GARRE1: variants seen among roughly 807,000 people sequenced by gnomAD.
GARRE1 encodes the protein granule associated Rac and RHOG effector protein 1.
In GARRE1, 49 loss-of-function variants were observed where a neutral mutation model predicts 103.2. The observed-to-expected ratio is 0.47, with a 90% CI of 0.38 to 0.60. The LOEUF (loss-of-function observed/expected upper bound fraction) is 0.60. Ranked by LOEUF, GARRE1 falls within the 20% of genes least tolerant of loss-of-function variation. The probability of loss-of-function intolerance (pLI) is 0.00; values close to 1 mark genes in which losing one functional copy is unlikely to be tolerated. For synonymous variants in GARRE1, 505 were observed against 532.8 expected (o/e 0.95, Z 0.72); for missense variants, 1,199 against 1,370.5 (o/e 0.87, Z 1.98).
At chr19:34,315,710 CAAAAAAAA>C (rs35321775) in intron 2 of GARRE1, among the ~76,000 whole-genome samples, 9 of 62,554 alleles carry the variant, frequency 1.4e-4, no homozygotes, top group Non-Finnish European at 2.0e-4. Context: ...GACTCTGTCT[CAAAAAAAA>C]AAAAAAAAAA....
Position 34,341,675 on chromosome 19 carries a change from C to T in GARRE1, c.1741C>T (p.Pro581Ser). Residue 581 changes from proline to serine, a missense_variant, in exon 10 of 14, where the codon CCT (proline) becomes TCT (serine). Transcript: ENST00000299505. ...AGCSEEKAKM[P>S]GNIDTRLQSI... Reference sequence around the variant, plus strand: ...ATGTTCCGAAGAGAAGGCCAAAATGCCTGGCAATATTGATACAAGGTTACA... The same window carrying T: ...ATGTTCCGAAGAGAAGGCCAAAATGTCTGGCAATATTGATACAAGGTTACA... 1 of 1,614,160 alleles carries T rather than the reference C, an allele frequency of 6.2e-7. No individual in the cohort carries two copies. The highest frequency in any genetic ancestry group is 2.2e-5 in the East Asian group (1 of 44,886).
At chr19:34,255,579 T>C (rs1428861691) in intron 1 of GARRE1, among the ~76,000 whole-genome samples, 1 of 152,190 alleles carries the variant, frequency 6.6e-6, no homozygotes. Context: ...TTATGGACTT[T>C]ACAGTATGTG....
At chr19:34,344,882 A>G (rs1189364250) in intron 10 of GARRE1, among the ~76,000 whole-genome samples, 1 of 148,684 alleles carries the variant, frequency 6.7e-6, no homozygotes, top group Non-Finnish European at 1.5e-5. Context: ...TACCGCCCCG[A>G]GGCTGGAGTG....
At chr19:34,281,123 T>C (rs2073850329) in intron 1 of GARRE1, among the ~76,000 whole-genome samples, 2 of 152,206 alleles carry the variant, frequency 1.3e-5, no homozygotes, top group Non-Finnish European at 2.9e-5. Flanking sequence ...CACGATTTTA[T>C]TGATTGACCG....
At position 34,310,805 on chromosome 19, in the gene GARRE1, C is replaced by T. The variant is rs1000441502; in HGVS notation, c.496-9102C>T. Among the ~76,000 whole-genome samples the T allele has an allele frequency of 3.3e-5, 5 of 152,186 alleles. 1 individual carries two copies. In the South Asian group the frequency reaches 1.0e-3, roughly 32 times the overall value. ...AAACTTTCAACTGCTCCTCTCCCCG[C>T]ACCCAGCTCACTGTGCCAGGGCCAG... On this transcript the variant is annotated intron_variant, in intron 2 of 13. Transcript: ENST00000299505.
intron 9 of GARRE1, among the ~76,000 whole-genome samples, chr19:34,340,925 G>A (rs2074182737): frequency 6.6e-6 from 1 of 152,118 alleles, no homozygotes; most frequent in African/African-American, 2.4e-5. Context: ...ATGCCCTTTC[G>A]CTCTTTAGGG....
At chr19:34,348,093 C>T (rs328406) in intron 11 of GARRE1, 51 bp downstream of exon 11, 322,278 of 1,363,960 alleles carry the variant, frequency 0.24, 41,916 homozygotes, top group East Asian at 0.66. Context: ...AGGTGTCCCC[C>T]GAGGGGCCTG....
chr19:34,331,031 C>G (rs1206413340), intron 7 of GARRE1, among the ~76,000 whole-genome samples: 3 of 151,642 alleles, frequency 2.0e-5, no homozygotes, highest in Non-Finnish European at 2.9e-5. Context: ...TCCCGAGTAG[C>G]TGGGACTACA....
chr19:34,289,432 A>G (rs2073904843), intron 1 of GARRE1, among the ~76,000 whole-genome samples: 1 of 150,884 alleles, frequency 6.6e-6, no homozygotes. Context: ...ACAGAGCAAG[A>G]TTCCATCTCC....
chr19:34,256,517 C>T (rs976398545), intron 1 of GARRE1, among the ~76,000 whole-genome samples: 1 of 142,146 alleles, frequency 7.0e-6, no homozygotes, highest in African/African-American at 2.8e-5. Flanking sequence ...GAGACTCCAT[C>T]TCAAAAAAAA....
rs774240213 is a variant in GARRE1 at position 34,300,887 on chromosome 19, G to A, written c.414G>A (p.Glu138=). The A allele has an allele frequency of 1.2e-6, 2 of 1,611,464 alleles. No individual in the cohort carries two copies. Among genetic ancestry groups the A allele is most frequent in the Non-Finnish European group, 1.7e-6 (2 of 1,180,022 alleles). Residue 138 remains glutamate, a synonymous_variant, in exon 2 of 14, where the codon GAG becomes GAA. Transcript: ENST00000299505. ...GGCTGACCTCGGCCATAAAGCCTGA[G>A]ATCGCCAAGATGCTAATGGAACTTA... is the stretch of plus-strand genomic sequence containing the variant. ...ASRLTSAIKP[E]IAKMLMELSA...
intron 2 of GARRE1, among the ~76,000 whole-genome samples, chr19:34,312,961 A>C (rs71351761): frequency 6.6e-6 from 1 of 152,132 alleles, no homozygotes. Flanking sequence ...AAATAAATAA[A>C]GGCTGATAAA....
chr19:34,350,714 TGGGACTACAGGCGC>T (rs2074232155), intron 12 of GARRE1, among the ~76,000 whole-genome samples: 2 of 152,106 alleles, frequency 1.3e-5, no homozygotes, highest in African/African-American at 2.4e-5. Flanking sequence ...CCCAAGTAGC[TGGGACTACAGGCGC>T]CCACCACCAT....
At chr19:34,267,460 C>A (rs1379484813) in intron 1 of GARRE1, among the ~76,000 whole-genome samples, 1 of 152,026 alleles carries the variant, frequency 6.6e-6, no homozygotes, top group Non-Finnish European at 1.5e-5. Context: ...CCTACCTTGG[C>A]CTCCCAAAGT....
intron 10 of GARRE1, among the ~76,000 whole-genome samples, chr19:34,347,595 T>C (rs2145285253): frequency 6.6e-6 from 1 of 152,250 alleles, no homozygotes; most frequent in East Asian, 1.9e-4. Flanking sequence ...TCAAACCATT[T>C]TTCTCTCTTT....
intron 1 of GARRE1, among the ~76,000 whole-genome samples, chr19:34,260,703 A>G (rs976381729): frequency 1.1e-4 from 17 of 152,230 alleles, no homozygotes; most frequent in Non-Finnish European, 1.5e-5. Context: ...AAATCAGAAA[A>G]AATGTCATAC....
chr19:34,322,697 C>T (rs377465137), intron 3 of GARRE1, among the ~76,000 whole-genome samples: 1 of 151,986 alleles, frequency 6.6e-6, no homozygotes, highest in Middle Eastern at 3.4e-3. Context: ...AAGCAATTCT[C>T]CTGCCTCAGC....
chr19:34,345,207 C>T (rs1599782700), intron 10 of GARRE1, among the ~76,000 whole-genome samples: 2 of 152,288 alleles, frequency 1.3e-5, no homozygotes, highest in Middle Eastern at 6.8e-3. Context: ...CCCACCTCAG[C>T]CTCCTAAAGT....
At chr19:34,340,483 C>A (rs949204263) in intron 9 of GARRE1, among the ~76,000 whole-genome samples, 1 of 149,758 alleles carries the variant, frequency 6.7e-6, no homozygotes, top group African/African-American at 2.5e-5. Context: ...CTGTCTTGGT[C>A]TTTGTCTTTG....
Sources: allele counts gnomAD v4.1 joint callset (sites outside exome capture counted in the v4.1 genomes callset), GRCh38; gene constraint gnomAD v4.1.1; transcripts MANE v1.5; gene names NCBI Gene and HGNC (gene_info 2026-07-23, HGNC 2026-07-21).